The following GLIPR1L1 variants were observed in gnomAD, a reference collection of about 807,000 sequenced individuals.
GLIPR1L1 encodes the protein GLIPR1 like 1.
Under a neutral mutation model 29.9 loss-of-function variants are expected in GLIPR1L1, and 26 were observed. The ratio of observed to expected loss-of-function variants is 0.87; its 90% CI spans 0.64 to 1.21. The LOEUF (loss-of-function observed/expected upper bound fraction) is 1.21. Among genes scored for constraint, GLIPR1L1 ranks in the 50% most tolerant of loss-of-function variants. The probability of loss-of-function intolerance (pLI) is 0.00; values close to 1 mark genes in which losing one functional copy is unlikely to be tolerated. For missense variants in GLIPR1L1, 305 were observed against 290.3 expected (o/e 1.05, Z -0.37); for synonymous variants, 77 against 97.5 (o/e 0.79, Z 1.24).
At position 75,363,124 on chromosome 12, in the gene GLIPR1L1, C is replaced by G. The variant is rs746233058; in HGVS notation, c.544C>G (p.Pro182Ala). Residue 182 changes from proline to alanine, a missense_variant, in exon 4 of 6, where the codon CCT (proline) becomes GCT (alanine). Transcript: ENST00000378695. The part of the protein sequence containing the change: ...GPAGNFANMP[P>A]YVRGESCSLC... ...CAGAGGAAATTTTGCAAATATGCCTCCTTACGTAAGAGGAGAATCTTGCTC... is the reference window on the plus strand; with the variant it reads ...CAGAGGAAATTTTGCAAATATGCCTGCTTACGTAAGAGGAGAATCTTGCTC... The G allele has an allele frequency of 6.4e-7, 1 of 1,558,578 alleles. No individual in the cohort carries two copies. Among genetic ancestry groups the G allele is most frequent in the East Asian group, 2.4e-5 (1 of 41,960 alleles).
intron 3 of GLIPR1L1, among the ~76,000 whole-genome samples, chr12:75,354,536 C>G (rs533023167): frequency 9.1e-4 from 139 of 152,246 alleles, no homozygotes; most frequent in African/African-American, 3.2e-3. Flanking sequence ...GAATCAATAT[C>G]GTGAAAATGG....
chr12:75,338,200 A>G (rs1441753192), intron 1 of GLIPR1L1, among the ~76,000 whole-genome samples: 1 of 152,178 alleles, frequency 6.6e-6, no homozygotes, highest in East Asian at 1.9e-4. Context: ...ATCTTCAACA[A>G]AATTATAATC....
At chr12:75,359,314 TGTTGTTCA>T (rs58126454) in intron 3 of GLIPR1L1, among the ~76,000 whole-genome samples, 8,087 of 148,748 alleles carry the variant, frequency 0.054, 304 homozygotes, top group African/African-American at 0.099. Flanking sequence ...GCGACATATA[TGTTGTTCA>T]GTTGTTCATG....
chr12:75,366,884 G>T, intron 4 of GLIPR1L1: 1 of 701,340 alleles, frequency 1.4e-6, no homozygotes, highest in Non-Finnish European at 2.6e-6. Context: ...TTTTGTTGAG[G>T]GTTCCCTGTA....
intron 4 of GLIPR1L1, chr12:75,366,735 C>T: frequency 1.6e-6 from 1 of 607,252 alleles, no homozygotes. Flanking sequence ...GGTGAGACTG[C>T]AGTGTTTTAC....
chr12:75,335,591 C>G (rs183742565), intron 1 of GLIPR1L1, among the ~76,000 whole-genome samples: 1 of 152,136 alleles, frequency 6.6e-6, no homozygotes, highest in Non-Finnish European at 1.5e-5. Context: ...TAACTCATAT[C>G]TATTCCAGCT....
At chr12:75,337,691 CAT>C (rs1337756085) in intron 1 of GLIPR1L1, among the ~76,000 whole-genome samples, 1 of 151,840 alleles carries the variant, frequency 6.6e-6, no homozygotes, top group Non-Finnish European at 1.5e-5. Context: ...ATATGCGTGC[CAT>C]GTTATTTATC....
chr12:75,364,682 C>G (rs901864353), intron 4 of GLIPR1L1: 1 of 152,150 alleles, frequency 6.6e-6, no homozygotes, highest in Non-Finnish European at 1.5e-5. Flanking sequence ...GTTTTAGTTA[C>G]AGACTTATAG....
At chr12:75,347,042 C>G (rs867262580) in intron 2 of GLIPR1L1, among the ~76,000 whole-genome samples, 3 of 151,280 alleles carry the variant, frequency 2.0e-5, no homozygotes, top group Non-Finnish European at 4.4e-5. Context: ...AAGTCTTCTT[C>G]CTTTTGAATA....
intron 4 of GLIPR1L1, among the ~76,000 whole-genome samples, chr12:75,364,224 C>G (rs565572694): frequency 5.9e-5 from 9 of 152,178 alleles, no homozygotes; most frequent in Admixed American, 2.6e-4. Context: ...TGAGACATGT[C>G]TGACCTCCCC....
intron 2 of GLIPR1L1, 101 bp from the exon 3 acceptor site, chr12:75,347,521 T>G: frequency 1.6e-6 from 1 of 633,572 alleles, no homozygotes; most frequent in East Asian, 3.2e-5. Flanking sequence ...TTTATGTACA[T>G]TATTTTTTGT....
At position 75,370,258 on chromosome 12, in the gene GLIPR1L1, C is replaced by T. The variant is rs549079556; in HGVS notation, c.*82C>T. 2.1e-5 allele frequency: 16 copies of T among 749,358 alleles called. No individual in the cohort carries two copies. Among genetic ancestry groups the T allele is most frequent in the Middle Eastern group, 2.7e-4 (1 of 3,658 alleles). The allele number at this position is 749,358 out of a possible 1,614,324, so 46.4% of individuals were successfully genotyped here. Reference sequence around the variant, plus strand: ...CTTAATATAACTTATCATCACTTTGCTTCTTTACTGAATCTTCTACACTCT... The same window carrying T: ...CTTAATATAACTTATCATCACTTTGTTTCTTTACTGAATCTTCTACACTCT... On this transcript the variant is annotated 3_prime_UTR_variant, in exon 6 of 6. Transcript: ENST00000378695.
At chr12:75,366,644 C>CTT (rs35880250) in intron 4 of GLIPR1L1, among the ~76,000 whole-genome samples, 18 of 147,610 alleles carry the variant, frequency 1.2e-4, no homozygotes, top group Middle Eastern at 7.0e-3. Context: ...TTGTTGCCTA[C>CTT]TTTTTTTTTT....
intron 3 of GLIPR1L1, among the ~76,000 whole-genome samples, chr12:75,358,999 A>T (rs555337078): frequency 6.9e-4 from 104 of 149,766 alleles, no homozygotes; most frequent in African/African-American, 2.5e-3. Flanking sequence ...ATAGAAAAAC[A>T]GACCATAGGA....
chr12:75,357,781 A>G (rs1437854960), intron 3 of GLIPR1L1, among the ~76,000 whole-genome samples: 1 of 152,020 alleles, frequency 6.6e-6, no homozygotes, highest in Non-Finnish European at 1.5e-5. Flanking sequence ...ATAACTCAAA[A>G]AAGAAGTTAG....
intron 1 of GLIPR1L1, among the ~76,000 whole-genome samples, chr12:75,340,744 A>AT (rs201980555): frequency 6.6e-6 from 1 of 151,808 alleles, no homozygotes; most frequent in African/African-American, 2.4e-5. Flanking sequence ...AAAAAAAAAA[A>AT]GAAAAAAATT....
Position 75,354,578 on chromosome 12 carries a change from T to C in GLIPR1L1, c.521+6856T>C, listed in dbSNP as rs138511443. Among the ~76,000 whole-genome samples, 358 of 152,320 alleles carry C rather than the reference T, an allele frequency of 2.4e-3. 1 individual carries two copies. Among genetic ancestry groups the C allele is most frequent in the African/African-American group, 7.9e-3 (328 of 41,572 alleles). ...TGCCCAAAGTAATTTACAGATTCAATGCTATTCCCATTAAACTCATTGACA... is the reference window on the plus strand; with the variant it reads ...TGCCCAAAGTAATTTACAGATTCAACGCTATTCCCATTAAACTCATTGACA... On this transcript the variant is annotated intron_variant, in intron 3 of 5. Coordinates refer to ENST00000378695, the MANE Select transcript of GLIPR1L1 (RefSeq NM_001304964.2).
At chr12:75,341,789 A>C (rs1407663431) in intron 1 of GLIPR1L1, among the ~76,000 whole-genome samples, 4 of 100,676 alleles carry the variant, frequency 4.0e-5, no homozygotes, top group African/African-American at 8.3e-5. Context: ...AGTCTCTGTC[A>C]CCCAGACTGG....
chr12:75,337,008 A>G (rs2041780075), intron 1 of GLIPR1L1, among the ~76,000 whole-genome samples: 1 of 151,852 alleles, frequency 6.6e-6, no homozygotes, highest in Non-Finnish European at 1.5e-5. Context: ...TAAATGGTCC[A>G]TAAGTTAAAG....
Sources: gnomAD v4.1 joint callset for allele counts (sites outside exome capture counted in the v4.1 genomes callset) on GRCh38, gnomAD v4.1.1 for gene constraint, MANE v1.5 for transcripts, NCBI Gene and HGNC (gene_info 2026-07-23, HGNC 2026-07-21) for gene names.